Variants in GRIK4 observed in about 807,000 individuals in gnomAD.
The protein encoded by GRIK4 is glutamate receptor ionotropic, kainate 4.
GRIK4 carries 40 observed loss-of-function variants against 104.9 expected under a neutral mutation model. The ratio of observed to expected loss-of-function variants is 0.38; its 90% CI spans 0.30 to 0.50. The LOEUF (loss-of-function observed/expected upper bound fraction) is 0.50, where lower values mean the gene tolerates loss of function less well. Among genes scored for constraint, GRIK4 ranks in the 20% least tolerant of loss-of-function variants. The probability of loss-of-function intolerance (pLI) is 0.93; values close to 1 mark genes in which losing one functional copy is unlikely to be tolerated. For synonymous variants in GRIK4, 485 were observed against 524.9 expected (o/e 0.92, Z 1.04); for missense variants, 1,047 against 1,308.1 (o/e 0.80, Z 3.08).
intron 1 of GRIK4, among the ~76,000 whole-genome samples, chr11:120,641,172 C>CT (rs1949467797): frequency 6.6e-6 from 1 of 152,166 alleles, no homozygotes; most frequent in South Asian, 2.1e-4. Context: ...GATATGGCTA[C>CT]TTTAAGAAGT....
intron 1 of GRIK4, among the ~76,000 whole-genome samples, 153 bp from the exon 2 acceptor site, chr11:120,653,532 T>C (rs1260239136): frequency 1.3e-5 from 2 of 151,950 alleles, no homozygotes; most frequent in East Asian, 1.9e-4. Context: ...GGCTGGAGGG[T>C]CAAAGGAGGA....
intron 13 of GRIK4, among the ~76,000 whole-genome samples, chr11:120,928,989 G>GTGCA (rs1491457370): frequency 7.2e-6 from 1 of 139,506 alleles, no homozygotes; most frequent in African/African-American, 3.1e-5. Flanking sequence ...GTGTGTGTGT[G>GTGCA]CGCGCGTGCA....
Position 120,985,949 on chromosome 11 carries a change from C to G in GRIK4, c.2560C>G (p.Leu854Val), listed in dbSNP as rs1944736415. 6.5e-7 allele frequency: 1 copy of G among 1,549,456 alleles called. No individual in the cohort carries two copies. The highest frequency in any genetic ancestry group is 1.2e-5 in the South Asian group (1 of 84,076). The change falls in exon 21 of 21, where the codon CTG (leucine) becomes GTG (valine). Residue 854 changes from leucine (L) to valine (V), a missense_variant. This residue lies in a region of GRIK4 where 440 missense variants were observed against 652.3 expected (regional missense o/e 0.67). Coordinates refer to ENST00000527524, the MANE Select transcript of GRIK4 (RefSeq NM_014619.5). The part of the protein sequence containing the change: ...EMVTELRSII[L>V]CQDSIHPRRR... ...GGTGACCGAGCTGCGCAGCATTATC[C>G]TGTGTCAGGACAGTATCCACCCCCG...
chr11:120,783,827 C>T lies in GRIK4; in HGVS notation c.83-18866C>T, dbSNP rs77475129. On this transcript the variant is annotated intron_variant, in intron 3 of 20. Coordinates refer to ENST00000527524, the MANE Select transcript of GRIK4 (RefSeq NM_014619.5). The stretch of plus-strand genomic sequence containing the variant: ...CCAAAGCAGGTTAGTTTCAAGGAAA[C>T]AGGCGGGTTAGTGTCCAGGAAAAAA... 5.9e-3 allele frequency among the ~76,000 whole-genome samples: 900 copies of T among 152,270 alleles called. 13 individuals carry two copies. Among genetic ancestry groups the T allele is most frequent in the African/African-American group, 0.018 (757 of 41,550 alleles).
rs150994006 is a variant in GRIK4 at position 120,807,929 on chromosome 11, A to G, written c.247+5072A>G. 2.6e-3 allele frequency among the ~76,000 whole-genome samples: 390 copies of G among 152,320 alleles called. 1 individual carries two copies. The highest frequency in any genetic ancestry group is 0.014 in the Middle Eastern group (4 of 294). The stretch of plus-strand genomic sequence containing the variant: ...AGGTGGCTCTCCAGAGAACGTGCCA[A>G]TGAGTGGCACAGACAGGGGAGCAGG... On this transcript the variant is annotated intron_variant, in intron 4 of 20. Transcript: ENST00000527524.
intron 2 of GRIK4, among the ~76,000 whole-genome samples, chr11:120,658,337 C>T (rs2135234793): frequency 6.6e-6 from 1 of 152,252 alleles, no homozygotes; most frequent in African/African-American, 2.4e-5. Flanking sequence ...CAGAGTGCTG[C>T]TATAGACATT....
Position 120,921,771 on chromosome 11 carries a change from C to T in GRIK4, c.1476+16278C>T, listed in dbSNP as rs559999911. 3.9e-5 allele frequency among the ~76,000 whole-genome samples: 6 copies of T among 152,298 alleles called. No homozygotes were observed. In the East Asian group the frequency reaches 1.2e-3, roughly 29 times the overall value. On this transcript the variant is annotated intron_variant, in intron 13 of 20. Transcript: ENST00000527524. ...GGTGGGGAGGTCCAGGGGGAGTTGTCTGACTCTAGGATTGACCCTCCAGTC... is the reference window on the plus strand; with the variant it reads ...GGTGGGGAGGTCCAGGGGGAGTTGTTTGACTCTAGGATTGACCCTCCAGTC...
chr11:120,802,725 A>G lies in GRIK4; in HGVS notation c.115A>G (p.Arg39Gly). Residue 39 changes from arginine to glycine, a missense_variant, in exon 4 of 21, where the codon AGA becomes GGA. By Grantham distance (125) the Arg-to-Gly change is moderately radical. This residue lies in a region of GRIK4 where 447 missense variants were observed against 514.9 expected (regional missense o/e 0.87). Transcript: ENST00000527524. ...CTTGGACGACCCCATGGAGTGCAGC[A>G]GAGGGGAGCGGCTCTCCATCACCCT... ...AILDDPMECS[R>G]GERLSITLAK... 6.2e-7 allele frequency: 1 copy of G among 1,614,128 alleles called. No individual in the cohort carries two copies.
chr11:120,585,860 G>A (rs1948656655), intron 1 of GRIK4, among the ~76,000 whole-genome samples: 8 of 151,948 alleles, frequency 5.3e-5, no homozygotes, highest in Admixed American at 5.2e-4. Flanking sequence ...GGAGGGGGAG[G>A]AACTAATGGT....
At chr11:120,781,042 A>G (rs1275519761) in intron 3 of GRIK4, among the ~76,000 whole-genome samples, 3 of 151,872 alleles carry the variant, frequency 2.0e-5, no homozygotes, top group African/African-American at 7.3e-5. Context: ...GCACCTGGCC[A>G]CATTATCCGT....
At chr11:120,934,000 C>G (rs370659618) in intron 13 of GRIK4, among the ~76,000 whole-genome samples, 1 of 151,922 alleles carries the variant, frequency 6.6e-6, no homozygotes, top group South Asian at 2.1e-4. Context: ...GTCAGGAGAT[C>G]GAGACCATCC....
At chr11:120,924,266 T>A (rs558612134) in intron 13 of GRIK4, among the ~76,000 whole-genome samples, 221 of 152,050 alleles carry the variant, frequency 1.5e-3, no homozygotes, top group African/African-American at 5.0e-3. Context: ...CAGGCCTGAG[T>A]GTGGCTCCCT....
intron 1 of GRIK4, among the ~76,000 whole-genome samples, chr11:120,560,442 A>C (rs946817740): frequency 4.6e-5 from 7 of 152,148 alleles, no homozygotes; most frequent in African/African-American, 7.2e-5. Context: ...TGTAGCAGGG[A>C]GCCTACACAG....
chr11:120,887,745 G>C (rs1295664385), intron 11 of GRIK4, among the ~76,000 whole-genome samples: 1 of 152,214 alleles, frequency 6.6e-6, no homozygotes, highest in Non-Finnish European at 1.5e-5. Flanking sequence ...GTACAGGAGA[G>C]GGGCGTGAAA....
intron 1 of GRIK4, among the ~76,000 whole-genome samples, chr11:120,620,825 C>T (rs996103275): frequency 6.6e-6 from 1 of 152,192 alleles, no homozygotes; most frequent in Admixed American, 6.5e-5. Context: ...ATTGGGCATG[C>T]ACGATGTGCC....
chr11:120,533,787 G>C (rs946954313), intron 1 of GRIK4, among the ~76,000 whole-genome samples: 5 of 152,216 alleles, frequency 3.3e-5, no homozygotes, highest in Non-Finnish European at 7.3e-5. Flanking sequence ...CTAAGGCAGA[G>C]AATTGCTTGA....
In GRIK4 at chr11:120,952,219, G is replaced by A. The variant is rs1944017828; in HGVS notation, c.1591-636G>A. Among the ~76,000 whole-genome samples, 1 of 152,200 alleles carries A rather than the reference G, an allele frequency of 6.6e-6. No individual in the cohort carries two copies. Among genetic ancestry groups the A allele is most frequent in the African/African-American group, 2.4e-5 (1 of 41,450 alleles). ...GGAGTGAGCCCTGGGCTTTGAGTCA[G>A]GAAACATGGGCTTTTTTGGGTCCCG... On this transcript the variant is annotated intron_variant, in intron 14 of 20. Coordinates refer to ENST00000527524, the MANE Select transcript of GRIK4 (RefSeq NM_014619.5). This position sits in a 1 kb window ranked among gnomAD's most constrained non-coding sequence, Gnocchi z 5.2.
chr11:120,914,453 T>C (rs551727134), intron 13 of GRIK4, among the ~76,000 whole-genome samples: 1 of 152,170 alleles, frequency 6.6e-6, no homozygotes, highest in African/African-American at 2.4e-5. Flanking sequence ...AGGGGTGGCT[T>C]TGACAGAAGT....
Position 120,937,851 on chromosome 11 carries a change from G to A in GRIK4, c.1477-2496G>A, listed in dbSNP as rs1591306454. On this transcript the variant is annotated intron_variant, in intron 13 of 20. Coordinates refer to ENST00000527524, the MANE Select transcript of GRIK4 (RefSeq NM_014619.5). ...ATGTCACAGTTGGCCAACTTTTATC[G>A]ACTTGTAAAATGATTTCCAAATTTT... Among the ~76,000 whole-genome samples, 3 of 152,288 alleles carry A rather than the reference G, an allele frequency of 2.0e-5. No homozygotes were observed. In the South Asian group the frequency reaches 6.2e-4, roughly 32 times the overall value.
Sources: allele counts gnomAD v4.1 joint callset (sites outside exome capture counted in the v4.1 genomes callset), GRCh38; gene constraint gnomAD v4.1.1; regional missense constraint gnomAD v4.1.1; non-coding constraint Gnocchi (gnomAD v3.1); transcripts MANE v1.5; gene names NCBI Gene and HGNC (gene_info 2026-07-23, HGNC 2026-07-21).